Variants in DCAF6 observed in about 807,000 individuals in gnomAD.
DCAF6 encodes DDB1- and CUL4-associated factor 6.
A neutral mutation model predicts 125.1 loss-of-function variants in DCAF6; 54 were observed. That is an observed-to-expected ratio of 0.43 (90% CI 0.35 to 0.54). The LOEUF (loss-of-function observed/expected upper bound fraction) is 0.54. Ranked by LOEUF, DCAF6 falls within the 20% of genes least tolerant of loss-of-function variation. DCAF6 has a pLI of 0.01. For synonymous variants in DCAF6, 371 were observed against 390.4 expected, an observed-to-expected ratio of 0.95 and a Z score of 0.58; for missense variants, 934 against 1,161.7, an observed-to-expected ratio of 0.80 and a Z score of 2.85.
At chr1:168,050,824 A>C (rs1180001051) in intron 16 of DCAF6, 68 bp from the exon 17 acceptor site, 1 of 912,038 alleles carries the variant, frequency 1.1e-6, no homozygotes, top group African/African-American at 1.7e-5. Flanking sequence ...GGGTGTCCTT[A>C]ATGCTTTAAA....
intron 2 of DCAF6, among the ~76,000 whole-genome samples, chr1:167,957,389 T>C (rs1345020453): frequency 1.3e-5 from 2 of 152,252 alleles, no homozygotes; most frequent in East Asian, 1.9e-4. Flanking sequence ...TTTCACTTAG[T>C]GTAATGTTTT....
the DCAF6 span, among the ~76,000 whole-genome samples, chr1:167,869,515 G>A: frequency 0.32 from 48,109 of 151,998 alleles, 7,852 homozygotes; most frequent in South Asian, 0.38. Context: ...CAGGTAGCCC[G>A]GCGCCTAAGA....
At chr1:168,067,651 TG>T (rs1268446568) in intron 20 of DCAF6, among the ~76,000 whole-genome samples, 1 of 152,208 alleles carries the variant, frequency 6.6e-6, no homozygotes, top group Admixed American at 6.5e-5. Context: ...GGTAAGATTG[TG>T]AAGGGCCCTG....
At chr1:168,055,352 T>G (rs1301359244) in intron 17 of DCAF6, among the ~76,000 whole-genome samples, 1 of 48,606 alleles carries the variant, frequency 2.1e-5, no homozygotes, top group East Asian at 3.2e-4. Flanking sequence ...TTTTTTTTTT[T>G]TTTTTTTTAA....
At chr1:167,879,051 T>C in the DCAF6 span, among the ~76,000 whole-genome samples, 1 of 152,224 alleles carries the variant, frequency 6.6e-6, no homozygotes. Flanking sequence ...CATGCTCCTA[T>C]GAATAAACCT....
chr1:167,885,962 C>T, the DCAF6 span, among the ~76,000 whole-genome samples: 3 of 151,966 alleles, frequency 2.0e-5, no homozygotes, highest in Admixed American at 1.3e-4. Context: ...AGATTTTTTT[C>T]TATAGAGCTG....
At chr1:167,878,153 T>G in the DCAF6 span, among the ~76,000 whole-genome samples, 4 of 152,172 alleles carry the variant, frequency 2.6e-5, no homozygotes, top group African/African-American at 9.7e-5. Flanking sequence ...TTGGGCCCAT[T>G]TGGGTGCAAA....
chr1:167,889,229 T>C, the DCAF6 span, among the ~76,000 whole-genome samples: 2 of 152,202 alleles, frequency 1.3e-5, no homozygotes, highest in African/African-American at 4.8e-5. Flanking sequence ...ATGGCTTTTC[T>C]TATGTTGAGG....
At chr1:168,048,823 T>A (rs1689461799) in intron 16 of DCAF6, among the ~76,000 whole-genome samples, 1 of 152,214 alleles carries the variant, frequency 6.6e-6, no homozygotes, top group Non-Finnish European at 1.5e-5. Flanking sequence ...CATTTAAAAA[T>A]GTAAAAACTA....
chr1:167,961,462 T>C (rs950824239), intron 2 of DCAF6, among the ~76,000 whole-genome samples: 8 of 152,126 alleles, frequency 5.3e-5, no homozygotes, highest in Non-Finnish European at 1.2e-4. Flanking sequence ...CAGGATGTCT[T>C]GATCTCCTGA....
chr1:167,937,241 C>T, intron 1 of DCAF6: 1 of 585,296 alleles, frequency 1.7e-6, no homozygotes, highest in East Asian at 3.0e-5. Flanking sequence ...AGGGCCGGGC[C>T]GTGGGCAGAA....
chr1:168,062,014 A>T (rs944222694), intron 17 of DCAF6, among the ~76,000 whole-genome samples: 3 of 152,206 alleles, frequency 2.0e-5, no homozygotes, highest in Non-Finnish European at 4.4e-5. Context: ...AATGTCCACC[A>T]ATAGTAGAAT....
chr1:167,932,364 C>T (rs1351226157), upstream of DCAF6, among the ~76,000 whole-genome samples: 2 of 152,016 alleles, frequency 1.3e-5, no homozygotes, highest in East Asian at 1.9e-4. Context: ...TAACAGTAAA[C>T]GTTACTGGAA....
chr1:167,885,114 C>T, the DCAF6 span, among the ~76,000 whole-genome samples: 4 of 139,522 alleles, frequency 2.9e-5, no homozygotes, highest in African/African-American at 1.1e-4. Context: ...TTGCAAATGA[C>T]AGATCTCATT....
chr1:167,937,582 G>C lies in DCAF6; in HGVS notation c.97+574G>C, dbSNP rs369918453. On this transcript the variant is annotated intron_variant, in intron 1 of 21. Coordinates refer to ENST00000367840, the MANE Select transcript of DCAF6 (RefSeq NM_001198956.2). ...CCGCGCGCTCTCCCAGTTCCACTCT[G>C]CTCTTCAGTTCGTTTTGACCGCTTA... 8.5e-5 allele frequency among the ~76,000 whole-genome samples: 13 copies of C among 152,216 alleles called. No individual in the cohort carries two copies. In the East Asian group the frequency reaches 2.1e-3, roughly 25 times the overall value.
the DCAF6 span, among the ~76,000 whole-genome samples, chr1:167,876,150 T>A: frequency 1.3e-5 from 2 of 148,538 alleles, no homozygotes; most frequent in East Asian, 4.1e-4. Flanking sequence ...CCAGCTACTC[T>A]GGAGGCTGAG....
chr1:167,966,694 A>G lies in DCAF6; in HGVS notation c.225A>G (p.Leu75=). The part of the protein sequence containing the change: ...YILSGSDDTK[L]VISNPYSRKV... Reference sequence around the variant, plus strand: ...TATCTGGCTCAGATGACACCAAATTAGTAATTAGTAATCCTTACAGCAGAA... The same window carrying G: ...TATCTGGCTCAGATGACACCAAATTGGTAATTAGTAATCCTTACAGCAGAA... The change falls in exon 3 of 22, where the codon TTA becomes TTG. Residue 75 remains leucine, a synonymous_variant. Transcript: ENST00000367840. 5 of 1,595,790 alleles carry G rather than the reference A, an allele frequency of 3.1e-6. No individual in the cohort carries two copies. The highest frequency in any genetic ancestry group is 4.3e-6 in the Non-Finnish European group (5 of 1,164,326).
the DCAF6 span, among the ~76,000 whole-genome samples, chr1:167,928,681 A>C: frequency 1.3e-5 from 2 of 152,258 alleles, no homozygotes; most frequent in African/African-American, 4.8e-5. Context: ...ACACAGGCTT[A>C]TGTTCTGTAC....
chr1:167,874,696 C>G, the DCAF6 span, among the ~76,000 whole-genome samples: 1 of 152,190 alleles, frequency 6.6e-6, no homozygotes, highest in Admixed American at 6.5e-5. Flanking sequence ...TCATAAGAAC[C>G]AAAAACTGGA....
Sources: allele counts gnomAD v4.1 joint callset (sites outside exome capture counted in the v4.1 genomes callset), GRCh38; gene constraint gnomAD v4.1.1; transcripts MANE v1.5; gene names NCBI Gene and HGNC (gene_info 2026-07-23, HGNC 2026-07-21).